GALNT13: variants seen among roughly 807,000 people sequenced by gnomAD.
GALNT13 encodes the protein UDP-GalNAc:polypeptide N-acetylgalactosaminyltransferase 13.
GALNT13 carries 28 observed loss-of-function variants against 64.2 expected under a neutral mutation model. That is an observed-to-expected ratio of 0.44 (90% confidence interval 0.32 to 0.60). GALNT13 has a LOEUF of 0.60. GALNT13 is among the 20% of genes least tolerant of loss of function. GALNT13 has a pLI of 0.05. For synonymous variants in GALNT13, 214 were observed against 224.6 expected (o/e 0.95, Z 0.42); for missense variants, 577 against 669.8 (o/e 0.86, Z 1.53).
the GALNT13 span, among the ~76,000 whole-genome samples, chr2:153,607,972 G>A: frequency 0.022 from 3,335 of 151,958 alleles, 122 homozygotes; most frequent in African/African-American, 0.077. Context: ...TATATTTTCC[G>A]CTTTAAAAAT....
the GALNT13 span, among the ~76,000 whole-genome samples, chr2:153,359,838 A>T: frequency 6.6e-6 from 1 of 152,136 alleles, no homozygotes. Context: ...TCATATGGGT[A>T]ATCTCAGCAA....
the GALNT13 span, among the ~76,000 whole-genome samples, chr2:153,074,613 T>C: frequency 2.0e-5 from 3 of 152,176 alleles, no homozygotes; most frequent in African/African-American, 4.8e-5. Context: ...CATTAGGTGA[T>C]AGGAATTTTT....
At chr2:153,167,921 G>C in the GALNT13 span, among the ~76,000 whole-genome samples, 1 of 152,130 alleles carries the variant, frequency 6.6e-6, no homozygotes, top group Non-Finnish European at 1.5e-5. Context: ...GACCGTAAGT[G>C]GTACAGCTAA....
chr2:153,937,640 A>C (rs964923993), intron 2 of GALNT13, among the ~76,000 whole-genome samples: 1 of 152,198 alleles, frequency 6.6e-6, no homozygotes, highest in South Asian at 2.1e-4. Context: ...TATCTCAATA[A>C]AACTTTTTTA....
At chr2:153,503,905 T>C in the GALNT13 span, among the ~76,000 whole-genome samples, 205 of 152,274 alleles carry the variant, frequency 1.3e-3, 1 homozygote, top group African/African-American at 4.7e-3. Context: ...GATTTTTTTT[T>C]CTAGTTACAT....
intron 4 of GALNT13, among the ~76,000 whole-genome samples, chr2:154,194,115 C>T (rs534436175): frequency 1.3e-5 from 2 of 152,136 alleles, no homozygotes; most frequent in African/African-American, 4.8e-5. Context: ...GAATTAGAAC[C>T]TCAAGAGGTA....
the GALNT13 span, among the ~76,000 whole-genome samples, chr2:153,443,085 C>T: frequency 6.6e-6 from 1 of 152,102 alleles, no homozygotes; most frequent in Non-Finnish European, 1.5e-5. Context: ...TTCCAGGCAC[C>T]ACTGGTGTCT....
At chr2:153,633,021 A>G in the GALNT13 span, among the ~76,000 whole-genome samples, 1 of 152,032 alleles carries the variant, frequency 6.6e-6, no homozygotes. Flanking sequence ...TCGGCCTCCC[A>G]AAGTGCTGGG....
At chr2:153,977,656 A>G (rs1335433581) in intron 3 of GALNT13, among the ~76,000 whole-genome samples, 2 of 152,204 alleles carry the variant, frequency 1.3e-5, no homozygotes, top group Non-Finnish European at 2.9e-5. Context: ...TTTGAAGTGT[A>G]GTTCTCAAAC....
At chr2:153,512,966 CAT>C in the GALNT13 span, among the ~76,000 whole-genome samples, 6 of 152,064 alleles carry the variant, frequency 3.9e-5, no homozygotes, top group Admixed American at 6.6e-5. Context: ...GTTTTCAACA[CAT>C]GTTATTTGCT....
rs1324145543 is a variant in GALNT13 at position 154,301,487 on chromosome 2, A to G, written c.1054A>G (p.Thr352Ala). The G allele has an allele frequency of 1.9e-6, 3 of 1,613,874 alleles. No individual in the cohort carries two copies. Among genetic ancestry groups the G allele is most frequent in the South Asian group, 2.2e-5 (2 of 91,058 alleles). ...TGTTTTTCGGAAGGCAACTCCATAC[A>G]CTTTTCCTGGTGGCACTGGTCATGT... The part of the protein sequence containing the change: ...GHVFRKATPY[T>A]FPGGTGHVIN... The change falls in exon 9 of 13, where the codon ACT becomes GCT. Residue 352 changes from threonine (T) to alanine (A), a missense_variant. Thr to Ala is a moderately conservative substitution (Grantham distance 58, BLOSUM62 0). Around this residue, in one of 3 missense-constraint regions of GALNT13, gnomAD observed 232 missense variants for 270.6 expected, o/e 0.86. Transcript: ENST00000392825.
At chr2:153,161,163 C>A in the GALNT13 span, among the ~76,000 whole-genome samples, 1 of 152,184 alleles carries the variant, frequency 6.6e-6, no homozygotes, top group Non-Finnish European at 1.5e-5. Flanking sequence ...TGCAATACAC[C>A]GCTTATGAAC....
intron 9 of GALNT13, among the ~76,000 whole-genome samples, chr2:154,334,650 G>A (rs764729214): frequency 4.8e-4 from 73 of 151,936 alleles, no homozygotes; most frequent in Non-Finnish European, 1.0e-3. Flanking sequence ...ACTACAGTTT[G>A]TTGTTTCTAA....
the GALNT13 span, among the ~76,000 whole-genome samples, chr2:153,076,056 A>G: frequency 6.6e-6 from 1 of 152,186 alleles, no homozygotes; most frequent in Non-Finnish European, 1.5e-5. Context: ...GTTATTAACA[A>G]TAATGCCATT....
At chr2:153,542,365 AAAAAC>A in the GALNT13 span, among the ~76,000 whole-genome samples, 59 of 139,030 alleles carry the variant, frequency 4.2e-4, no homozygotes, top group Admixed American at 9.6e-4. Flanking sequence ...CACACAAAAA[AAAAAC>A]CGGAAGTAGA....
chr2:153,247,248 C>CT, the GALNT13 span, among the ~76,000 whole-genome samples: 1 of 152,134 alleles, frequency 6.6e-6, no homozygotes. Flanking sequence ...AATTAGCAAG[C>CT]ATATTCAGGA....
In GALNT13 at chr2:154,292,000, G is replaced by A. The variant is rs532232849; in HGVS notation, c.976-9409G>A. ...TGCAAAAGTTGGCACTTTATGTGTCGTACAAGCAAGCCCCTTACCCCTCAG... is the reference window on the plus strand; with the variant it reads ...TGCAAAAGTTGGCACTTTATGTGTCATACAAGCAAGCCCCTTACCCCTCAG... On this transcript the variant is annotated intron_variant, in intron 8 of 12. Coordinates refer to ENST00000392825, the MANE Select transcript of GALNT13 (RefSeq NM_052917.4). 2.3e-4 allele frequency among the ~76,000 whole-genome samples: 35 copies of A among 152,276 alleles called. 1 individual carries two copies. Among genetic ancestry groups the A allele is most frequent in the South Asian group, 1.5e-3 (7 of 4,826 alleles).
At chr2:154,010,765 A>G (rs1476040081) in intron 3 of GALNT13, among the ~76,000 whole-genome samples, 2 of 151,920 alleles carry the variant, frequency 1.3e-5, no homozygotes, top group Non-Finnish European at 2.9e-5. Context: ...TATTTTTGAT[A>G]TTTATTATTG....
intron 3 of GALNT13, among the ~76,000 whole-genome samples, chr2:154,093,615 A>C (rs2105445266): frequency 6.6e-6 from 1 of 152,136 alleles, no homozygotes; most frequent in East Asian, 1.9e-4. Context: ...TAAATAAGTT[A>C]AATGATTAAT....
Sources: gnomAD v4.1 joint callset for allele counts (sites outside exome capture counted in the v4.1 genomes callset) on GRCh38, gnomAD v4.1.1 for gene constraint, gnomAD v4.1.1 regional missense constraint, MANE v1.5 for transcripts, NCBI Gene and HGNC (gene_info 2026-07-23, HGNC 2026-07-21) for gene names.